The following SGCD variants were observed in gnomAD, a reference collection of about 807,000 sequenced individuals.
The protein encoded by SGCD is delta-sarcoglycan.
A neutral mutation model predicts 36.6 loss-of-function variants in SGCD; 18 were observed. That is an observed-to-expected ratio of 0.49 (90% CI 0.34 to 0.73). SGCD has a LOEUF of 0.73. Among genes scored for constraint, SGCD ranks in the 30% least tolerant of loss-of-function variants. SGCD has a pLI of 0.01. For missense variants in SGCD, 387 were observed against 346.7 expected, an observed-to-expected ratio of 1.12 and a Z score of -0.92; for synonymous variants, 133 against 130.6, an observed-to-expected ratio of 1.02 and a Z score of -0.12.
intron 2 of SGCD, among the ~76,000 whole-genome samples, chr5:156,335,439 C>T (rs993493882): frequency 1.3e-5 from 2 of 152,164 alleles, no homozygotes; most frequent in African/African-American, 4.8e-5. Flanking sequence ...ATGTCTATGG[C>T]TTTCAATAAT....
intron 4 of SGCD, among the ~76,000 whole-genome samples, chr5:156,536,017 GGGAT>G (rs1448923235): frequency 6.6e-6 from 1 of 152,098 alleles, no homozygotes; most frequent in East Asian, 1.9e-4. Context: ...AAGTAATTTA[GGGAT>G]CATTGGTTCT....
At chr5:155,790,298 C>A in the SGCD span, among the ~76,000 whole-genome samples, 7 of 152,076 alleles carry the variant, frequency 4.6e-5, no homozygotes, top group Admixed American at 4.6e-4. Context: ...TAAGAATATA[C>A]CCTAGAAAGA....
At chr5:156,487,978 A>G (rs1755769439) in intron 3 of SGCD, among the ~76,000 whole-genome samples, 1 of 145,866 alleles carries the variant, frequency 6.9e-6, no homozygotes, top group Non-Finnish European at 1.5e-5. Context: ...ATATATATAT[A>G]TATCAAAATG....
intron 4 of SGCD, among the ~76,000 whole-genome samples, chr5:156,553,921 G>C (rs774955283): frequency 2.0e-5 from 3 of 152,152 alleles, no homozygotes; most frequent in Non-Finnish European, 4.4e-5. Context: ...ATGAAGATTT[G>C]TGTACACATT....
At chr5:156,513,320 C>T (rs1379914066) in intron 4 of SGCD, among the ~76,000 whole-genome samples, 1 of 152,178 alleles carries the variant, frequency 6.6e-6, no homozygotes, top group African/African-American at 2.4e-5. Context: ...CATAACCTCA[C>T]ATGATGCTCA....
intron 7 of SGCD, among the ~76,000 whole-genome samples, chr5:156,669,117 A>G (rs974383587): frequency 2.4e-4 from 37 of 152,136 alleles, no homozygotes; most frequent in Middle Eastern, 3.4e-3. Flanking sequence ...ATCCTGCAAT[A>G]CGGCCGAAAG....
the SGCD span, among the ~76,000 whole-genome samples, chr5:155,826,551 T>A: frequency 7.4e-4 from 113 of 152,362 alleles, no homozygotes; most frequent in African/African-American, 2.6e-3. Context: ...CTGGCTTACA[T>A]ATTTGCATTT....
At chr5:156,467,303 C>A (rs1328023079) in intron 3 of SGCD, among the ~76,000 whole-genome samples, 1 of 152,034 alleles carries the variant, frequency 6.6e-6, no homozygotes, top group East Asian at 1.9e-4. Flanking sequence ...AAAGGATATA[C>A]CTGATATATT....
the SGCD span, among the ~76,000 whole-genome samples, chr5:155,756,046 G>T: frequency 6.6e-6 from 1 of 152,230 alleles, no homozygotes; most frequent in Admixed American, 6.5e-5. Context: ...GGATAAGAGT[G>T]ATGAGCCTCT....
rs537088355 is a variant in SGCD, at chr5:156,390,175, A to G, written c.192+45498A>G. On this transcript the variant is annotated intron_variant, in intron 3 of 8. Transcript: ENST00000337851. ...CTATGTTATGGTTTATGTAATTACT[A>G]TACTTTTTATTATTTTAGAGTCTAT... Among the ~76,000 whole-genome samples the G allele has an allele frequency of 2.0e-5, 3 of 151,892 alleles. No individual in the cohort carries two copies. In the East Asian group the frequency reaches 5.8e-4, roughly 30 times the overall value.
chr5:156,758,781 G>C (rs1757430266), intron 8 of SGCD, among the ~76,000 whole-genome samples: 1 of 146,938 alleles, frequency 6.8e-6, no homozygotes, highest in Non-Finnish European at 1.5e-5. Context: ...CCCATAAATT[G>C]TTAGAAAAAA....
At chr5:156,455,196 T>C (rs756426973) in intron 3 of SGCD, among the ~76,000 whole-genome samples, 10 of 152,180 alleles carry the variant, frequency 6.6e-5, no homozygotes, top group Non-Finnish European at 1.5e-4. Context: ...CAGCTTTACA[T>C]GATAGGACTC....
Position 156,472,295 on chromosome 5 carries a change from G to C in SGCD, c.193-36306G>C, listed in dbSNP as rs1203036265. 2.6e-5 allele frequency among the ~76,000 whole-genome samples: 4 copies of C among 152,172 alleles called. No individual in the cohort carries two copies. In the South Asian group the frequency reaches 8.3e-4, roughly 32 times the overall value. ...AAGGGCTTTCAAAAGAGCATTTACA[G>C]CAGCTTTTTCATAATAGCTGAAAAA... is the stretch of plus-strand genomic sequence containing the variant. On this transcript the variant is annotated intron_variant, in intron 3 of 8. Coordinates refer to ENST00000337851, the MANE Select transcript of SGCD (RefSeq NM_000337.6).
At chr5:156,326,960 G>GT (rs1207968454), upstream of SGCD, 1 of 152,308 alleles carries the variant, frequency 6.6e-6, no homozygotes, top group Non-Finnish European at 1.5e-5. Context: ...CCCAGTAGCT[G>GT]TGAGTCGGTC....
intron 1 of SGCD, among the ~76,000 whole-genome samples, chr5:156,044,972 T>G (rs1390852683): frequency 6.6e-6 from 1 of 152,098 alleles, no homozygotes; most frequent in Non-Finnish European, 1.5e-5. Context: ...TGGCTCACAG[T>G]TCTAGGGACT....
chr5:156,082,251 G>A (rs1760973473), intron 1 of SGCD, among the ~76,000 whole-genome samples: 1 of 140,448 alleles, frequency 7.1e-6, no homozygotes, highest in Admixed American at 7.5e-5. Context: ...AGGAGTGTGT[G>A]TGTGTGTAGG....
At chr5:155,901,916 C>T (rs1203083081) in intron 1 of SGCD, among the ~76,000 whole-genome samples, 1 of 152,200 alleles carries the variant, frequency 6.6e-6, no homozygotes. Flanking sequence ...TTTAGTGGGA[C>T]TCTACCCAAA....
intron 4 of SGCD, among the ~76,000 whole-genome samples, chr5:156,559,781 C>T (rs1188516029): frequency 1.3e-5 from 2 of 152,180 alleles, no homozygotes; most frequent in African/African-American, 2.4e-5. Flanking sequence ...AATCTTTAGT[C>T]TGTTAGAAAA....
the SGCD span, among the ~76,000 whole-genome samples, chr5:155,835,103 G>C: frequency 2.7e-3 from 376 of 140,470 alleles, 4 homozygotes; most frequent in East Asian, 0.043. Flanking sequence ...CGCCTCCCAG[G>C]TTCAAGCAAT....
Sources: gnomAD v4.1 joint callset for allele counts (sites outside exome capture counted in the v4.1 genomes callset) on GRCh38, gnomAD v4.1.1 for gene constraint, MANE v1.5 for transcripts, NCBI Gene and HGNC (gene_info 2026-07-23, HGNC 2026-07-21) for gene names.